The following KCNIP4 variants were observed in gnomAD, a reference collection of about 807,000 sequenced individuals.
The protein encoded by KCNIP4 is potassium voltage-gated channel interacting protein 4.
In KCNIP4, 12 loss-of-function variants were observed where a neutral mutation model predicts 34.0. The observed-to-expected ratio is 0.35, with a 90% confidence interval of 0.23 to 0.57. The LOEUF is 0.57. KCNIP4 is among the 20% of genes least tolerant of loss of function. The pLI is 0.83. For missense variants in KCNIP4, 238 were observed against 311.7 expected (o/e 0.76, Z 1.78); for synonymous variants, 124 against 102.2 (o/e 1.21, Z -1.29).
intron 3 of KCNIP4, among the ~76,000 whole-genome samples, chr4:20,823,112 A>G (rs1406120226): frequency 6.6e-6 from 1 of 152,152 alleles, no homozygotes; most frequent in African/African-American, 2.4e-5. Context: ...AATACTTTAG[A>G]CTGAGTAATT....
intron 1 of KCNIP4, among the ~76,000 whole-genome samples, chr4:21,812,287 T>C (rs1469257840): frequency 6.6e-6 from 1 of 152,196 alleles, no homozygotes; most frequent in Non-Finnish European, 1.5e-5. Context: ...AAAATAAGCA[T>C]TGTATTAAAA....
intron 1 of KCNIP4, among the ~76,000 whole-genome samples, chr4:21,653,186 C>T (rs1747650472): frequency 6.6e-6 from 1 of 152,104 alleles, no homozygotes; most frequent in African/African-American, 2.4e-5. Flanking sequence ...AATGATTAGC[C>T]TGTTCATTGT....
chr4:21,077,273 G>C (rs1332628522), intron 1 of KCNIP4, among the ~76,000 whole-genome samples: 1 of 152,110 alleles, frequency 6.6e-6, no homozygotes, highest in African/African-American at 2.4e-5. Flanking sequence ...GTTAATTTAT[G>C]ATTCTTGGAA....
At chr4:21,670,951 G>A (rs926377786) in intron 1 of KCNIP4, among the ~76,000 whole-genome samples, 2 of 150,604 alleles carry the variant, frequency 1.3e-5, no homozygotes, top group African/African-American at 4.9e-5. Flanking sequence ...CCACCGCGCC[G>A]GGCTGAGTAA....
At chr4:20,806,641 G>A (rs948607160) in intron 3 of KCNIP4, among the ~76,000 whole-genome samples, 1 of 151,842 alleles carries the variant, frequency 6.6e-6, no homozygotes, top group African/African-American at 2.4e-5. Context: ...GGTGGGTTGG[G>A]AGGTAAAACA....
chr4:21,594,755 A>G (rs1321855011), intron 1 of KCNIP4, among the ~76,000 whole-genome samples: 1 of 135,678 alleles, frequency 7.4e-6, no homozygotes, highest in Admixed American at 7.0e-5. Context: ...TGAAAATTTA[A>G]AACTTCTGCA....
At chr4:21,549,638 G>T (rs1390109487) in intron 1 of KCNIP4, among the ~76,000 whole-genome samples, 4 of 151,940 alleles carry the variant, frequency 2.6e-5, no homozygotes, top group Non-Finnish European at 5.9e-5. Context: ...AAATTACCCA[G>T]CCCCAGCAAT....
intron 1 of KCNIP4, among the ~76,000 whole-genome samples, chr4:21,073,203 G>A (rs1745141678): frequency 6.6e-6 from 1 of 152,092 alleles, no homozygotes; most frequent in East Asian, 1.9e-4. Flanking sequence ...GTAGCTTGAT[G>A]GGGATGGCAT....
intron 1 of KCNIP4, among the ~76,000 whole-genome samples, chr4:21,834,843 G>GA (rs1407846985): frequency 6.6e-6 from 1 of 152,146 alleles, no homozygotes; most frequent in Non-Finnish European, 1.5e-5. Flanking sequence ...TGCAACTATT[G>GA]AGATAATCAT....
At chr4:21,692,800 T>C (rs1434564282) in intron 1 of KCNIP4, among the ~76,000 whole-genome samples, 1 of 151,080 alleles carries the variant, frequency 6.6e-6, no homozygotes, top group Non-Finnish European at 1.5e-5. Context: ...TCAGGGCCAC[T>C]TGAACTGGGA....
chr4:21,243,082 C>T (rs1223458228), intron 1 of KCNIP4, among the ~76,000 whole-genome samples: 1 of 152,056 alleles, frequency 6.6e-6, no homozygotes, highest in African/African-American at 2.4e-5. Context: ...TTATCAATAT[C>T]AGATTTATAG....
intron 1 of KCNIP4, among the ~76,000 whole-genome samples, chr4:21,909,980 C>T (rs1728211904): frequency 1.3e-5 from 2 of 152,064 alleles, no homozygotes; most frequent in Non-Finnish European, 2.9e-5. Flanking sequence ...AGCTACAATT[C>T]ATGATGAGAT....
rs1195131691 is a variant in KCNIP4, at chr4:21,589,258, CTATACA to C, written c.61+359307_61+359312del. On this transcript the variant is annotated intron_variant, in intron 1 of 8. Coordinates refer to ENST00000382152, the MANE Select transcript of KCNIP4 (RefSeq NM_025221.6). ...CAGATACATATATACATATATGTAT[CTATACA>C]GATACATATATGTATAGATACATAT... Among the ~76,000 whole-genome samples the C allele has an allele frequency of 9.9e-4, 109 of 110,632 alleles. 3 individuals are homozygous for C. The highest frequency in any genetic ancestry group is 3.6e-3 in the African/African-American group (102 of 28,036). The allele number at this position is 110,632 out of a possible 152,430, so 72.6% of individuals were successfully genotyped here.
intron 1 of KCNIP4, among the ~76,000 whole-genome samples, chr4:21,605,171 T>C (rs1012842732): frequency 6.6e-6 from 1 of 152,190 alleles, no homozygotes; most frequent in Non-Finnish European, 1.5e-5. Context: ...ACATGAACAC[T>C]AGCTGTTCCA....
intron 1 of KCNIP4, among the ~76,000 whole-genome samples, chr4:21,186,429 G>C (rs1403457559): frequency 6.6e-6 from 1 of 152,148 alleles, no homozygotes; most frequent in Non-Finnish European, 1.5e-5. Context: ...GAAAGTCGAA[G>C]TAGGGATGGA....
chr4:20,816,881 C>T (rs1177906013), intron 3 of KCNIP4, among the ~76,000 whole-genome samples: 3 of 152,084 alleles, frequency 2.0e-5, no homozygotes, highest in African/African-American at 7.2e-5. Context: ...TTTTCAAAAC[C>T]GATTTTGTGT....
rs956435416 is a variant in KCNIP4 at position 20,728,909 on chromosome 4, T to G, written c.*1173A>C. On this transcript the variant is annotated 3_prime_UTR_variant, in exon 9 of 9. Transcript: ENST00000382152. Reference sequence around the variant, plus strand: ...TTAGTAATGTGGCAACTTTACAGTTTTGGCTAAGATGATTAAAAATAATCT... The same window carrying G: ...TTAGTAATGTGGCAACTTTACAGTTGTGGCTAAGATGATTAAAAATAATCT... 8.7e-5 allele frequency: 12 copies of G among 137,308 alleles called. No homozygotes were observed. Among genetic ancestry groups the G allele is most frequent in the African/African-American group, 3.5e-4 (12 of 34,460 alleles). The allele number at this position is 137,308 out of a possible 1,614,324, so 8.5% of individuals were successfully genotyped here. A position where few individuals can be genotyped will look rare whatever the true frequency, so the allele number is the denominator to read the frequency against.
intron 1 of KCNIP4, among the ~76,000 whole-genome samples, chr4:20,965,435 G>A (rs1271991513): frequency 2.0e-5 from 3 of 152,156 alleles, no homozygotes; most frequent in Non-Finnish European, 2.9e-5. Context: ...TATAACTGTC[G>A]TGGTACAAGG....
intron 1 of KCNIP4, among the ~76,000 whole-genome samples, chr4:21,090,210 A>G (rs868731185): frequency 6.6e-6 from 1 of 152,022 alleles, no homozygotes; most frequent in Non-Finnish European, 1.5e-5. Context: ...TTGTGTGTTT[A>G]TTTGCATAAC....
Sources: gnomAD v4.1 joint callset for allele counts (sites outside exome capture counted in the v4.1 genomes callset) on GRCh38, gnomAD v4.1.1 for gene constraint, MANE v1.5 for transcripts, NCBI Gene and HGNC (gene_info 2026-07-23, HGNC 2026-07-21) for gene names.